The following ADGRG4 variants were observed in gnomAD, a reference collection of about 807,000 sequenced individuals.
The protein encoded by ADGRG4 is adhesion G protein-coupled receptor G4, also known as G protein-coupled receptor 112.
ADGRG4 carries 122 observed loss-of-function variants against 126.2 expected under a neutral mutation model. That is an observed-to-expected ratio of 0.97 (90% CI 0.83 to 1.12). ADGRG4 has a LOEUF of 1.12. Ranked by LOEUF, ADGRG4 falls within the 50% of genes most tolerant of loss-of-function variation. The pLI, the probability that ADGRG4 is intolerant of heterozygous loss-of-function variation, is 0.00. For synonymous variants in ADGRG4, 943 were observed against 838.7 expected (o/e 1.12, Z -2.15); for missense variants, 2,481 against 2,251.8 (o/e 1.10, Z -2.06).
rs768112772 is a variant in ADGRG4 at position 136,344,828 on chromosome X, A to G, written c.1122A>G (p.Leu374=). Residue 374 remains leucine, a synonymous_variant, in exon 6 of 26, where the codon CTA becomes CTG. Transcript: ENST00000394143. ...IFQPPTPSNF[L]STSRFTKNSV... ...AACCACCTACACCTTCTAATTTCCTATCCACATCCAGATTTACCAAGAATT... is the reference window on the plus strand; with the variant it reads ...AACCACCTACACCTTCTAATTTCCTGTCCACATCCAGATTTACCAAGAATT... The G allele has an allele frequency of 1.7e-6, 2 of 1,205,729 alleles. No individual in the cohort carries two copies. Among genetic ancestry groups the G allele is most frequent in the African/African-American group, 3.5e-5 (2 of 57,287 alleles).
chrX:136,373,135 T>C (rs1035913734), intron 15 of ADGRG4, 71 bp downstream of exon 15: 1 of 978,840 alleles, frequency 1.0e-6, no homozygotes, highest in Non-Finnish European at 1.4e-6. Context: ...ATTTACTCCT[T>C]GGGAGAGAGA....
At chrX:136,357,576 T>C in intron 9 of ADGRG4, 128 bp from the exon 10 acceptor site, 1 of 484,030 alleles carries the variant, frequency 2.1e-6, no homozygotes. Flanking sequence ...TGAGGGTAGT[T>C]TGCAGACGGC....
Position 136,345,171 on chromosome X carries a change from A to G in ADGRG4, c.1465A>G (p.Thr489Ala). 2 of 1,210,884 alleles carry G rather than the reference A, an allele frequency of 1.7e-6. No homozygotes were observed. The highest frequency in any genetic ancestry group is 3.0e-5 in the East Asian group (1 of 33,828). ...AGATTCTGTATTTCCTAGAAACCAG[A>G]CAGCATTTCCATTGGCAACAACTGA... Reference protein sequence around the residue: ...PVDSVFPRNQTAFPLATTDMK... With the variant: ...PVDSVFPRNQAAFPLATTDMK... Residue 489 changes from threonine (T) to alanine (A), a missense_variant, in exon 6 of 26, where the codon ACA becomes GCA. Thr to Ala is a moderately conservative substitution (Grantham distance 58). Coordinates refer to ENST00000394143, the MANE Select transcript of ADGRG4 (RefSeq NM_153834.4).
chrX:136,368,261 T>C (rs150125875), intron 13 of ADGRG4, among the ~76,000 whole-genome samples: 13 of 112,545 alleles, frequency 1.2e-4, no homozygotes, highest in African/African-American at 4.2e-4. Flanking sequence ...TTATGACTAA[T>C]ACAAAGGTTA....
intron 5 of ADGRG4, among the ~76,000 whole-genome samples, chrX:136,341,449 T>C (rs1434017030): frequency 2.7e-5 from 3 of 112,288 alleles, no homozygotes; most frequent in Non-Finnish European, 5.6e-5. Context: ...GTGCTAGAAG[T>C]GACACTTTCA....
Position 136,347,641 on chromosome X carries a change from C to T in ADGRG4, c.3935C>T (p.Thr1312Ile). Reference protein sequence around the residue: ...PETTKISSHQTHSPSEIPLGT... With the variant: ...PETTKISSHQIHSPSEIPLGT... ...ACCACAAAAATTTCCAGTCACCAAA[C>T]ACATTCGCCTTCAGAGATTCCACTT... The change falls in exon 6 of 26, where the codon ACA (threonine) becomes ATA (isoleucine). Residue 1312 changes from threonine to isoleucine, a missense_variant. Physicochemically the swap from Thr to Ile is moderately conservative, Grantham distance 89. Coordinates refer to ENST00000394143, the MANE Select transcript of ADGRG4 (RefSeq NM_153834.4). The T allele has an allele frequency of 8.3e-7, 1 of 1,209,278 alleles. No homozygotes were observed. Among genetic ancestry groups the T allele is most frequent in the Non-Finnish European group, 1.1e-6 (1 of 894,208 alleles).
chrX:136,351,791 T>A (rs1325450825), intron 7 of ADGRG4, among the ~76,000 whole-genome samples: 1 of 110,895 alleles, frequency 9.0e-6, no homozygotes, highest in Non-Finnish European at 1.9e-5. Flanking sequence ...TTTTCATTTG[T>A]TGAGATCTGT....
chrX:136,354,396 G>C (rs2075081127), intron 8 of ADGRG4, among the ~76,000 whole-genome samples: 1 of 111,610 alleles, frequency 9.0e-6, no homozygotes, highest in Non-Finnish European at 1.9e-5. Context: ...AAAGCAGAGA[G>C]ACAGAAAGCT....
intron 23 of ADGRG4, among the ~76,000 whole-genome samples, chrX:136,408,842 A>G (rs2148501546): frequency 9.0e-6 from 1 of 111,583 alleles, no homozygotes; most frequent in Admixed American, 9.5e-5. Flanking sequence ...CCAACAGTAT[A>G]TAAGTGTTCT....
At position 136,323,046 on chromosome X, in the gene ADGRG4, C is replaced by A. The variant is rs754982339; in HGVS notation, c.339C>A (p.His113Gln). ...RLGKTFSIRH[H>Q]LASFQWHTIC... is the part of the protein sequence containing the mutation. ...GAAAGACCTTTTCTATCCGTCACCA[C>A]CTGGCTTCATTTCAATGGCATACAA... is the stretch of plus-strand genomic sequence containing the variant. Residue 113 changes from histidine (H) to glutamine (Q), a missense_variant, in exon 5 of 26, where the codon CAC becomes CAA. Physicochemically the swap from His to Gln is conservative, Grantham distance 24. Coordinates refer to ENST00000394143, the MANE Select transcript of ADGRG4 (RefSeq NM_153834.4). The A allele has an allele frequency of 8.3e-7, 1 of 1,211,508 alleles. No individual in the cohort carries two copies. The highest frequency in any genetic ancestry group is 1.8e-5 in the South Asian group (1 of 56,973).
At chrX:136,410,599 A>C (rs2075440663) in intron 23 of ADGRG4, among the ~76,000 whole-genome samples, 1 of 112,051 alleles carries the variant, frequency 8.9e-6, no homozygotes, top group Admixed American at 9.5e-5. Context: ...AAAGGTTTCC[A>C]AACTGCACTT....
intron 15 of ADGRG4, among the ~76,000 whole-genome samples, chrX:136,383,836 T>TTC (rs2075276639): frequency 1.0e-5 from 1 of 96,151 alleles, no homozygotes; most frequent in South Asian, 5.3e-4. Flanking sequence ...CTTTCTTTCT[T>TTC]TCTTTCTTTC....
At chrX:136,325,901 G>A (rs768310388) in intron 5 of ADGRG4, among the ~76,000 whole-genome samples, 1 of 110,581 alleles carries the variant, frequency 9.0e-6, no homozygotes, top group African/African-American at 3.3e-5. Context: ...AGTAGAGACA[G>A]GGTTTCACCA....
At chrX:136,301,822 C>T (rs1345294176) in intron 1 of ADGRG4, among the ~76,000 whole-genome samples, 7 of 111,637 alleles carry the variant, frequency 6.3e-5, no homozygotes, top group East Asian at 2.8e-4. Flanking sequence ...TTCCCAGCAC[C>T]GTTTATTAAA....
intron 7 of ADGRG4, 47 bp downstream of exon 7, chrX:136,351,588 A>G: frequency 1.8e-6 from 1 of 571,193 alleles, no homozygotes; most frequent in Admixed American, 3.5e-5. Context: ...ATATATGTGA[A>G]TATATACATT....
intron 15 of ADGRG4, 82 bp from the exon 16 acceptor site, chrX:136,387,658 G>A: frequency 1.1e-6 from 1 of 921,232 alleles, no homozygotes; most frequent in Non-Finnish European, 1.5e-6. Flanking sequence ...ATATTCTGAG[G>A]CTGAGCTGGG....
chrX:136,353,596 A>G (rs900626299), intron 8 of ADGRG4, among the ~76,000 whole-genome samples, 195 bp downstream of exon 8: 1 of 111,743 alleles, frequency 8.9e-6, no homozygotes, highest in African/African-American at 3.3e-5. Context: ...CACAAAGCCA[A>G]TGGGAGAACA....
In ADGRG4 at chrX:136,346,960, T is replaced by G. The variant is rs142623843; in HGVS notation, c.3254T>G (p.Ile1085Ser). The change falls in exon 6 of 26, where the codon ATT becomes AGT. Residue 1085 changes from isoleucine to serine, a missense_variant. Transcript: ENST00000394143. ...ATTGTGCCTACCCATGGAGACTTGA[T>G]TCGTACCACTTCAGAGGCCACGGTA... The part of the protein sequence containing the change: ...IVIVPTHGDL[I>S]RTTSEATVIS... 1.1e-4 allele frequency: 132 copies of G among 1,208,966 alleles called. No individual in the cohort carries two copies. In the African/African-American group the frequency reaches 1.4e-3, roughly 13 times the overall value.
intron 15 of ADGRG4, among the ~76,000 whole-genome samples, chrX:136,379,508 CTCTCT>C (rs1250937627): frequency 1.9e-5 from 2 of 104,810 alleles, no homozygotes; most frequent in East Asian, 6.0e-4. Context: ...TTCTCCTTCC[CTCTCT>C]TCTCCTCTCC....
Sources: allele counts gnomAD v4.1 joint callset (sites outside exome capture counted in the v4.1 genomes callset), GRCh38; gene constraint gnomAD v4.1.1; transcripts MANE v1.5; gene names NCBI Gene and HGNC (gene_info 2026-07-23, HGNC 2026-07-21).